FBXW11: variants seen among roughly 807,000 people sequenced by gnomAD.
FBXW11 encodes F-box/WD repeat-containing protein 11.
In FBXW11, 19 loss-of-function variants were observed where a neutral mutation model predicts 77.6. That is an observed-to-expected ratio of 0.24 (90% CI 0.17 to 0.36). The LOEUF is 0.36. Ranked by LOEUF, FBXW11 falls within the 10% of genes least tolerant of loss-of-function variation. The pLI is 1.00. For synonymous variants in FBXW11, 235 were observed against 249.4 expected, an observed-to-expected ratio of 0.94 and a Z score of 0.54; for missense variants, 334 against 704.2, an observed-to-expected ratio of 0.47 and a Z score of 5.95.
chr5:171,945,283 C>A (rs1410506168), intron 2 of FBXW11, among the ~76,000 whole-genome samples: 1 of 152,124 alleles, frequency 6.6e-6, no homozygotes, highest in South Asian at 2.1e-4. Flanking sequence ...ATTCCTATTG[C>A]GTAATTGACC....
intron 2 of FBXW11, among the ~76,000 whole-genome samples, chr5:171,936,800 C>A (rs565993100): frequency 3.3e-5 from 5 of 151,824 alleles, no homozygotes; most frequent in Admixed American, 1.3e-4. Context: ...TTTTCCAGCA[C>A]GTGTAAAAAA....
At chr5:171,945,758 TGTTA>T (rs1415403896) in intron 2 of FBXW11, among the ~76,000 whole-genome samples, 6 of 152,210 alleles carry the variant, frequency 3.9e-5, no homozygotes, top group African/African-American at 1.4e-4. Context: ...ACTAAATTCT[TGTTA>T]GATATTGATG....
chr5:171,975,956 T>C (rs1163611830), intron 1 of FBXW11, among the ~76,000 whole-genome samples: 2 of 152,108 alleles, frequency 1.3e-5, no homozygotes, highest in Non-Finnish European at 2.9e-5. Flanking sequence ...AAATGATGAT[T>C]ATCAGGTGAG....
chr5:171,989,412 C>A (rs1429244417), intron 1 of FBXW11, among the ~76,000 whole-genome samples: 1 of 152,218 alleles, frequency 6.6e-6, no homozygotes, highest in Non-Finnish European at 1.5e-5. Flanking sequence ...ACGGGATAAC[C>A]CGTCATTAAG....
intron 2 of FBXW11, among the ~76,000 whole-genome samples, chr5:171,918,036 C>A (rs1163482004): frequency 6.6e-6 from 1 of 152,032 alleles, no homozygotes; most frequent in South Asian, 2.1e-4. Flanking sequence ...AACAGCCTGG[C>A]GTAATTCCTT....
intron 1 of FBXW11, among the ~76,000 whole-genome samples, chr5:171,970,242 G>A (rs749371269): frequency 2.9e-4 from 44 of 152,142 alleles, no homozygotes; most frequent in Non-Finnish European, 5.3e-4. Context: ...ACTGGATCAT[G>A]GAGGCAGTCT....
intron 1 of FBXW11, 86 bp downstream of exon 1, chr5:172,006,371 GC>G (rs201466110): frequency 0.017 from 21,521 of 1,242,224 alleles, 452 homozygotes; most frequent in South Asian, 0.085. Context: ...AAGGGCCAGA[GC>G]CGGCCTCGCA....
intron 2 of FBXW11, among the ~76,000 whole-genome samples, chr5:171,933,171 C>T (rs1762306720): frequency 7.2e-6 from 1 of 139,656 alleles, no homozygotes; most frequent in African/African-American, 2.6e-5. Flanking sequence ...TACATCCAGA[C>T]AATTGAATGT....
At chr5:171,975,618 A>C (rs1044112584) in intron 1 of FBXW11, among the ~76,000 whole-genome samples, 49 of 152,358 alleles carry the variant, frequency 3.2e-4, no homozygotes, top group African/African-American at 1.1e-3. Context: ...GGCAAAAATT[A>C]ATCACCTCCA....
At chr5:171,898,973 A>G (rs1282323864) in intron 6 of FBXW11, 31 bp downstream of exon 6, 1 of 1,359,460 alleles carries the variant, frequency 7.4e-7, no homozygotes, top group Non-Finnish European at 1.0e-6. Flanking sequence ...AGAAACAAAG[A>G]GCCCATAAAA....
rs183948863 is a variant in FBXW11 at position 171,958,939 on chromosome 5, A to G, written c.46-1241T>C. On this transcript the variant is annotated intron_variant, in intron 1 of 13. Coordinates refer to ENST00000517395, the MANE Select transcript of FBXW11 (RefSeq NM_001378974.1). ...CCTGGATGACACTTATTGTCCCCTC[A>G]TAACTTTCACTCTCAAAAGTGTTCT... is the stretch of plus-strand genomic sequence containing the variant. Among the ~76,000 whole-genome samples, 338 of 152,082 alleles carry G rather than the reference A, an allele frequency of 2.2e-3. 2 individuals are homozygous for G. Among genetic ancestry groups the G allele is most frequent in the African/African-American group, 8.1e-3 (335 of 41,460 alleles).
intron 2 of FBXW11, among the ~76,000 whole-genome samples, chr5:171,917,766 C>CTGTGTGTGTG (rs60601173): frequency 0.14 from 20,962 of 147,382 alleles, 1,953 homozygotes; most frequent in Non-Finnish European, 0.2. Flanking sequence ...TAGACTCACT[C>CTGTGTGTGTG]TGTGTGTGTG....
chr5:171,940,888 A>AG (rs1762717670), intron 2 of FBXW11, among the ~76,000 whole-genome samples: 1 of 26,854 alleles, frequency 3.7e-5, no homozygotes, highest in Non-Finnish European at 8.5e-5. Context: ...TCCGTCTCAA[A>AG]AAAAAAAAGA....
At chr5:171,992,372 A>C (rs1406257588) in intron 1 of FBXW11, among the ~76,000 whole-genome samples, 1 of 152,056 alleles carries the variant, frequency 6.6e-6, no homozygotes, top group African/African-American at 2.4e-5. Flanking sequence ...GGCTGCAGTG[A>C]GCCGAGGCCA....
At chr5:171,980,827 C>T (rs992294860) in intron 1 of FBXW11, among the ~76,000 whole-genome samples, 2 of 152,124 alleles carry the variant, frequency 1.3e-5, no homozygotes, top group African/African-American at 4.8e-5. Context: ...ATCTTTGCTG[C>T]CCTGATGACC....
rs375681218 is a variant in FBXW11 at position 172,000,475 on chromosome 5, T to C, written c.45+5983A>G. Among the ~76,000 whole-genome samples the C allele has an allele frequency of 1.6e-3, 244 of 152,362 alleles. 1 individual carries two copies. Among genetic ancestry groups the C allele is most frequent in the African/African-American group, 5.6e-3 (231 of 41,590 alleles). ...AGATTTTCCAAGACAGTATTGACTC[T>C]GCATGATTTCATTGTTTTTCCCAAA... On this transcript the variant is annotated intron_variant, in intron 1 of 13. Coordinates refer to ENST00000517395, the MANE Select transcript of FBXW11 (RefSeq NM_001378974.1).
chr5:171,981,930 G>C (rs1765170504), intron 1 of FBXW11, among the ~76,000 whole-genome samples: 1 of 152,164 alleles, frequency 6.6e-6, no homozygotes, highest in South Asian at 2.1e-4. Flanking sequence ...TACAGTATGT[G>C]CATCTTGTAT....
intron 10 of FBXW11, 83 bp from the exon 11 acceptor site, chr5:171,870,941 C>T: frequency 1.1e-6 from 1 of 894,534 alleles, no homozygotes; most frequent in Non-Finnish European, 1.8e-6. Context: ...CTGTTCCATA[C>T]AGATACAATT....
chr5:171,908,537 T>C (rs1481059637), intron 4 of FBXW11, among the ~76,000 whole-genome samples: 1 of 152,174 alleles, frequency 6.6e-6, no homozygotes, highest in African/African-American at 2.4e-5. Context: ...CTTCAGCAAT[T>C]AAATAGTATG....
Sources: allele counts gnomAD v4.1 joint callset (sites outside exome capture counted in the v4.1 genomes callset), GRCh38; gene constraint gnomAD v4.1.1; transcripts MANE v1.5; gene names NCBI Gene and HGNC (gene_info 2026-07-23, HGNC 2026-07-21).